Variants in MID1 observed in about 807,000 individuals in gnomAD.
The protein encoded by MID1 is E3 ubiquitin-protein ligase Midline-1.
A neutral mutation model predicts 40.4 loss-of-function variants in MID1; 7 were observed. That is an observed-to-expected ratio of 0.17 (90% CI 0.10 to 0.33). The LOEUF (loss-of-function observed/expected upper bound fraction) is 0.33. MID1 is among the 10% of genes least tolerant of loss of function. MID1 has a pLI of 1.00. For missense variants in MID1, 367 were observed against 558.5 expected, an observed-to-expected ratio of 0.66 and a Z score of 3.46; for synonymous variants, 229 against 221.2, an observed-to-expected ratio of 1.04 and a Z score of -0.31.
chrX:10,771,105 G>GAAAA (rs199974083), intron 1 of MID1, among the ~76,000 whole-genome samples: 1 of 66,252 alleles, frequency 1.5e-5, no homozygotes. Context: ...TCTGTCTCAA[G>GAAAA]AAAAAAAAAA....
chrX:10,635,158 G>T (rs1459708180), intron 1 of MID1, among the ~76,000 whole-genome samples: 1 of 112,361 alleles, frequency 8.9e-6, no homozygotes, highest in African/African-American at 3.2e-5. Context: ...CTGCCCCAGA[G>T]AAGAGATCTA....
intron 1 of MID1, among the ~76,000 whole-genome samples, chrX:10,660,184 C>T (rs774169928): frequency 8.9e-6 from 1 of 112,295 alleles, no homozygotes; most frequent in Admixed American, 9.4e-5. Flanking sequence ...TGAAACAAGT[C>T]CTAGTAGGAT....
At chrX:10,533,691 G>GA (rs1327508569) in intron 2 of MID1, among the ~76,000 whole-genome samples, 1 of 111,608 alleles carries the variant, frequency 9.0e-6, no homozygotes, top group Non-Finnish European at 1.9e-5. Flanking sequence ...TTTTAACTCA[G>GA]AAAAAAATTA....
At chrX:10,511,105 C>T (rs1401532495) in intron 3 of MID1, among the ~76,000 whole-genome samples, 8 of 107,982 alleles carry the variant, frequency 7.4e-5, no homozygotes, top group East Asian at 5.9e-4. Context: ...ATTAGCTGGG[C>T]ATGGTGGTGG....
At chrX:10,793,906 C>T (rs1245221200) in intron 1 of MID1, among the ~76,000 whole-genome samples, 2 of 111,337 alleles carry the variant, frequency 1.8e-5, no homozygotes, top group African/African-American at 6.5e-5. Context: ...ATCTGATATT[C>T]TTCCTTCCAT....
rs1684640691 is a variant in MID1 at position 10,785,500 on chromosome X, C to A, written c.-187+48054G>T. 2.7e-5 allele frequency among the ~76,000 whole-genome samples: 3 copies of A among 111,484 alleles called. No individual in the cohort carries two copies. The South Asian group carries it at 1.2e-3, about 43-fold the overall frequency. On this transcript the variant is annotated intron_variant, in intron 1 of 10. Transcript: ENST00000380785. The stretch of plus-strand genomic sequence containing the variant: ...TCATATGGAACCAAAAAAGAGCCCG[C>A]ATCACCAAGTCAATCCTAAGCCAAA...
rs567923371 is a variant in MID1, at chrX:10,554,730, G to A, written c.660+12158C>T. On this transcript the variant is annotated intron_variant, in intron 2 of 9. Transcript: ENST00000317552. ...TCTCCCTCCAAGCTCCTTAAGTGAA[G>A]TGCATACGGCTTCCCCATGTCTCCT... Among the ~76,000 whole-genome samples, 398 of 110,864 alleles carry A rather than the reference G, an allele frequency of 3.6e-3. 2 individuals carry two copies. The highest frequency in any genetic ancestry group is 0.012 in the African/African-American group (373 of 30,527).
At chrX:10,639,879 G>C (rs1357105804) in intron 1 of MID1, among the ~76,000 whole-genome samples, 1 of 111,791 alleles carries the variant, frequency 8.9e-6, no homozygotes, top group African/African-American at 3.3e-5. Context: ...TTGAAGAAAA[G>C]AATTTTCAAC....
At chrX:10,641,666 T>C (rs1213779743) in intron 1 of MID1, among the ~76,000 whole-genome samples, 1 of 111,960 alleles carries the variant, frequency 8.9e-6, no homozygotes, top group Non-Finnish European at 1.9e-5. Flanking sequence ...GTTCATTTTA[T>C]AAGGCCAACA....
At chrX:10,711,741 G>C (rs1374966369) in intron 1 of MID1, among the ~76,000 whole-genome samples, 2 of 112,754 alleles carry the variant, frequency 1.8e-5, no homozygotes, top group African/African-American at 6.4e-5. Context: ...TGAAGCTCAA[G>C]TGCATTATAG....
intron 2 of MID1, among the ~76,000 whole-genome samples, chrX:10,559,235 T>G (rs1934240973): frequency 8.9e-6 from 1 of 112,315 alleles, no homozygotes; most frequent in African/African-American, 3.2e-5. Flanking sequence ...TCAGACTATA[T>G]CTCATAAATA....
chrX:10,718,354 A>G (rs1461317959), intron 1 of MID1, among the ~76,000 whole-genome samples: 1 of 112,047 alleles, frequency 8.9e-6, no homozygotes, highest in Non-Finnish European at 1.9e-5. Context: ...ATTAAAAATG[A>G]TAAAGGGGAT....
At chrX:10,623,552 CAT>C (rs1364537629), upstream of MID1, among the ~76,000 whole-genome samples, 1 of 111,837 alleles carries the variant, frequency 8.9e-6, no homozygotes, top group Non-Finnish European at 1.9e-5. Context: ...GCAAACCTAA[CAT>C]AGGTTCTGGG....
At chrX:10,535,873 G>A (rs1347549552) in intron 2 of MID1, among the ~76,000 whole-genome samples, 2 of 111,544 alleles carry the variant, frequency 1.8e-5, no homozygotes, top group Non-Finnish European at 1.9e-5. Context: ...CTGAAGCCTT[G>A]TGTAGTCTAA....
At chrX:10,758,784 G>A (rs1306964092) in intron 1 of MID1, among the ~76,000 whole-genome samples, 1 of 110,747 alleles carries the variant, frequency 9.0e-6, no homozygotes, top group Non-Finnish European at 1.9e-5. Context: ...CACCGCGCCC[G>A]GCCTTTAAAT....
chrX:10,777,495 C>A (rs1244865263), intron 1 of MID1, among the ~76,000 whole-genome samples: 3 of 110,215 alleles, frequency 2.7e-5, no homozygotes, highest in African/African-American at 9.9e-5. Context: ...CCACACCAGG[C>A]CTTTTTTTCT....
intron 1 of MID1, among the ~76,000 whole-genome samples, chrX:10,806,511 C>T (rs1442623022): frequency 3.6e-5 from 4 of 111,911 alleles, no homozygotes; most frequent in Non-Finnish European, 7.5e-5. Context: ...GTTTGTTCTG[C>T]CTTTTTCTTG....
rs140813865 is a variant in MID1 at position 10,745,298 on chromosome X, A to G, written c.-187+88256T>C. The stretch of plus-strand genomic sequence containing the variant: ...ATCATTCTTCCTCTCTCATGCTTGG[A>G]TGAAAAAATTCTTGGAAGAGCTGCT... On this transcript the variant is annotated intron_variant, in intron 1 of 10. Coordinates refer to the MID1 transcript ENST00000380785. Among the ~76,000 whole-genome samples, 491 of 112,192 alleles carry G rather than the reference A, an allele frequency of 4.4e-3. 5 individuals carry two copies. Among genetic ancestry groups the G allele is most frequent in the African/African-American group, 0.015 (466 of 30,872 alleles).
chrX:10,812,314 G>A (rs780565519), intron 1 of MID1, among the ~76,000 whole-genome samples: 1 of 111,301 alleles, frequency 9.0e-6, no homozygotes, highest in Non-Finnish European at 1.9e-5. Flanking sequence ...ACATGTATGT[G>A]CTTATGTTCT....
Sources: gnomAD v4.1 joint callset for allele counts (sites outside exome capture counted in the v4.1 genomes callset) on GRCh38, gnomAD v4.1.1 for gene constraint, MANE v1.5 for transcripts, NCBI Gene and HGNC (gene_info 2026-07-23, HGNC 2026-07-21) for gene names.